The following IL32 variants were observed in gnomAD, a reference collection of about 807,000 sequenced individuals.
The protein encoded by IL32 is interleukin 32, also known as interleukin-32.
In IL32, 30 loss-of-function variants were observed where a neutral mutation model predicts 16.6. The observed-to-expected ratio is 1.81, with a 90% CI of 1.35 to 2.45. IL32 has a LOEUF of 2.45. IL32 is among the 30% of genes most tolerant of loss of function. The pLI is 0.00. For missense variants in IL32, 234 were observed against 229.8 expected (o/e 1.02, Z -0.12); for synonymous variants, 70 against 86.1 (o/e 0.81, Z 1.03).
intron 2 of IL32, among the ~76,000 whole-genome samples, chr16:3,066,039 A>C (rs1956270145): frequency 6.6e-6 from 1 of 151,812 alleles, no homozygotes; most frequent in South Asian, 2.1e-4. Flanking sequence ...TGTGGATGAG[A>C]GGGAGCACCT....
intron 2 of IL32, 40 bp downstream of exon 2, chr16:3,065,866 A>T: frequency 6.2e-7 from 1 of 1,613,394 alleles, no homozygotes; most frequent in Non-Finnish European, 8.5e-7. Context: ...GGCATGTCTG[A>T]AAACAGACCG....
In IL32 at chr16:3,065,675, T is replaced by G; in HGVS notation, c.-41T>G. On this transcript the variant is annotated 5_prime_UTR_variant, in exon 1 of 7. Coordinates refer to ENST00000525643, the MANE Select transcript of IL32 (RefSeq NM_001376923.1). Reference sequence around the variant, plus strand: ...CAGAAGGTGACTGTCTCAGTGGAGCTGGGTCATCTCAGGTGGGGAGTTGGG... The same window carrying G: ...CAGAAGGTGACTGTCTCAGTGGAGCGGGGTCATCTCAGGTGGGGAGTTGGG... 1 of 854,256 alleles carries G rather than the reference T, an allele frequency of 1.2e-6. No individual in the cohort carries two copies. Among genetic ancestry groups the G allele is most frequent in the Non-Finnish European group, 2.0e-6 (1 of 492,038 alleles). 52.9% of individuals were successfully genotyped at this position (854,256 alleles called of 1,614,324 possible).
chr16:3,066,555 T>A (rs1956327279), intron 2 of IL32, among the ~76,000 whole-genome samples: 1 of 151,704 alleles, frequency 6.6e-6, no homozygotes, highest in Non-Finnish European at 1.5e-5. Flanking sequence ...GACTAGGCCC[T>A]TGACGTGGGG....
chr16:3,068,162 G>A lies in IL32; in HGVS notation c.142-18G>A. ...CAGGCAGGAGCAGCATGAACCCCCT[G>A]TGCCCTCCTCTCCCCAGGACGACTT... On this transcript the variant is annotated intron_variant, in intron 5 of 6. Transcript: ENST00000525643. 1 of 1,604,130 alleles carries A rather than the reference G, an allele frequency of 6.2e-7. No individual in the cohort carries two copies. The highest frequency in any genetic ancestry group is 8.5e-7 in the Non-Finnish European group (1 of 1,175,082).
intron 2 of IL32, among the ~76,000 whole-genome samples, 167 bp from the exon 3 acceptor site, chr16:3,067,210 A>G (rs1423831625): frequency 6.6e-6 from 1 of 151,170 alleles, no homozygotes. Flanking sequence ...CGGTCTTTCC[A>G]GGCTGTGAGG....
In IL32 at chr16:3,068,244, G is replaced by T. The variant is rs78516090; in HGVS notation, c.201+5G>T. On this transcript the variant is annotated splice_donor_5th_base_variant and intron_variant, in intron 6 of 6. Transcript: ENST00000525643. ...TATTATGAGGAGCAGCACCCAGTGA[G>T]TATGACACACCCATCTGGGCACCTT... is the stretch of plus-strand genomic sequence containing the variant. 6.3e-7 allele frequency: 1 copy of T among 1,590,320 alleles called. No homozygotes were observed. Among genetic ancestry groups the T allele is most frequent in the South Asian group, 1.1e-5 (1 of 87,836 alleles).
rs1956710235 is a variant in IL32 at position 3,068,665 on chromosome 16, T to TGG, written c.202-322_202-321dup. On this transcript the variant is annotated intron_variant, in intron 6 of 6. Coordinates refer to ENST00000525643, the MANE Select transcript of IL32 (RefSeq NM_001376923.1). ...GCAGGGTGTGCCCAGCCCCTGAGCT[T>TGG]GGGGTGGAGGGCTGGGAGTGACAGC... The TGG allele has an allele frequency of 9.2e-6, 4 of 433,118 alleles. No homozygotes were observed. The East Asian group carries it at 1.9e-4, about 21-fold the overall frequency. 26.8% of individuals were successfully genotyped at this position (433,118 alleles called of 1,614,324 possible). A position where few individuals can be genotyped will look rare whatever the true frequency, so the allele number is the denominator to read the frequency against.
Position 3,069,143 on chromosome 16 carries a change from C to G in IL32, c.355C>G (p.Leu119Val), listed in dbSNP as rs759204196. The change falls in exon 7 of 7, where the codon CTG becomes GTG. Residue 119 changes from leucine to valine, a missense_variant. This residue lies in a region of IL32 where 44 missense variants were observed against 103.1 expected (regional missense o/e 0.43). Transcript: ENST00000525643. ...MRWFQAMLQR[L>V]QTWWHGVLAW... ...ATGGTTCCAGGCCATGCTGCAGCGG[C>G]TGCAGACCTGGTGGCACGGGGTTCT... 1.2e-6 allele frequency: 2 copies of G among 1,612,858 alleles called. No individual in the cohort carries two copies. The highest frequency in any genetic ancestry group is 2.2e-5 in the South Asian group (2 of 91,026).
chr16:3,067,695 G>A (rs746247110), intron 4 of IL32, 82 bp downstream of exon 4: 1 of 1,093,446 alleles, frequency 9.1e-7, no homozygotes, highest in East Asian at 2.4e-5. Flanking sequence ...AGGGTGAGAA[G>A]GATGAAGAGG....
At position 3,068,238 on chromosome 16, in the gene IL32, C is replaced by T. The variant is rs141583132; in HGVS notation, c.200C>T (p.Pro67Leu). 5,628 of 1,593,120 alleles carry T rather than the reference C, an allele frequency of 3.5e-3. 21 individuals are homozygous for T. The highest frequency in any genetic ancestry group is 0.011 in the Middle Eastern group (69 of 6,036). The change falls in exon 6 of 7, where the codon CCA (proline) becomes CTA (leucine). Residue 67 changes from proline to leucine, a missense_variant and splice_region_variant. Transcript: ENST00000525643. ...TVAAYYEEQH[P>L]ELTPLLEKER... ...GCGGCTTATTATGAGGAGCAGCACC[C>T]AGTGAGTATGACACACCCATCTGGG...
chr16:3,067,294 T>C (rs1956479060), intron 2 of IL32, 83 bp from the exon 3 acceptor site: 4 of 711,984 alleles, frequency 5.6e-6, no homozygotes, highest in Non-Finnish European at 9.8e-6. Context: ...TGTGTGTGTG[T>C]GTGTGTGTGT....
intron 4 of IL32, 125 bp from the exon 5 acceptor site, chr16:3,067,859 C>T (rs975118659): frequency 4.3e-6 from 5 of 1,165,036 alleles, no homozygotes; most frequent in African/African-American, 1.5e-5. Context: ...CCAGACGTGG[C>T]CCGGGCCCCT....
intron 6 of IL32, 140 bp from the exon 7 acceptor site, chr16:3,068,850 C>G: frequency 7.3e-7 from 1 of 1,377,844 alleles, no homozygotes. Flanking sequence ...CCCTCTTGCC[C>G]ACGGGGCTGT....
chr16:3,068,477 T>C (rs1011710215), intron 6 of IL32: 1 of 534,676 alleles, frequency 1.9e-6, no homozygotes. Flanking sequence ...GGCTGATTTT[T>C]TTTGTGTGTG....
chr16:3,065,672 A>G lies in IL32; in HGVS notation c.-44A>G, dbSNP rs1293299491. On this transcript the variant is annotated 5_prime_UTR_variant, in exon 1 of 7. Transcript: ENST00000525643. ...GTGCAGAAGGTGACTGTCTCAGTGG[A>G]GCTGGGTCATCTCAGGTGGGGAGTT... is the stretch of plus-strand genomic sequence containing the variant. 1.2e-6 allele frequency: 1 copy of G among 840,190 alleles called. No individual in the cohort carries two copies. Among genetic ancestry groups the G allele is most frequent in the Non-Finnish European group, 2.1e-6 (1 of 480,264 alleles). 52.0% of individuals were successfully genotyped at this position (840,190 alleles called of 1,614,324 possible). A position where few individuals can be genotyped will look rare whatever the true frequency, so the allele number is the denominator to read the frequency against.
rs1393442493 is a variant in IL32, at chr16:3,068,752, G to A, written c.202-238G>A. ...AGTGGCACAGCCCTCAAGGCACGAT[G>A]AGGGCCCTGACCTGGTGACCAAGCA... On this transcript the variant is annotated intron_variant, in intron 6 of 6. Coordinates refer to ENST00000525643, the MANE Select transcript of IL32 (RefSeq NM_001376923.1). 4.9e-6 allele frequency: 3 copies of A among 606,862 alleles called. No homozygotes were observed. The East Asian group carries it at 9.3e-5, about 19-fold the overall frequency. The allele number at this position is 606,862 out of a possible 1,614,324, so 37.6% of individuals were successfully genotyped here.
chr16:3,066,888 T>G (rs71384682), intron 2 of IL32, among the ~76,000 whole-genome samples: 3,039 of 150,410 alleles, frequency 0.02, 77 homozygotes, highest in Middle Eastern at 0.13. Flanking sequence ...TGGGGGGGTG[T>G]GTGTGTGCAG....
At chr16:3,067,263 A>ATGTGTCTCTGTGTGTG (rs1555442454) in intron 2 of IL32, 114 bp from the exon 3 acceptor site, 10 of 474,946 alleles carry the variant, frequency 2.1e-5, no homozygotes, top group Admixed American at 3.5e-5. Context: ...TACCTCTGCC[A>ATGTGTCTCTGTGTGTG]TGTGTCTCTG....
At chr16:3,067,271 CTGTGTGTGTGTGTGTGTGTG>C (rs60859102) in intron 2 of IL32, 86 bp from the exon 3 acceptor site, 396 of 601,906 alleles carry the variant, frequency 6.6e-4, no homozygotes, top group South Asian at 2.9e-3. Flanking sequence ...CCATGTGTCT[CTGTGTGTGTGTGTGTGTGTG>C]TGTGTGTGTG....
Sources: allele counts gnomAD v4.1 joint callset (sites outside exome capture counted in the v4.1 genomes callset), GRCh38; gene constraint gnomAD v4.1.1; regional missense constraint gnomAD v4.1.1; transcripts MANE v1.5; gene names NCBI Gene and HGNC (gene_info 2026-07-23, HGNC 2026-07-21).